Variants in FAAP20 observed in about 807,000 individuals in gnomAD.
FAAP20 encodes the protein Fanconi anemia core complex-associated protein 20.
Under a neutral mutation model 16.2 loss-of-function variants are expected in FAAP20, and 12 were observed. The ratio of observed to expected loss-of-function variants is 0.74; its 90% CI spans 0.48 to 1.20. The LOEUF is 1.20. FAAP20 is among the 50% of genes most tolerant of loss of function. The pLI is 0.00. For missense variants in FAAP20, 288 were observed against 245.8 expected, an observed-to-expected ratio of 1.17 and a Z score of -1.15; for synonymous variants, 141 against 110.7, an observed-to-expected ratio of 1.27 and a Z score of -1.72.
Position 2,194,745 on chromosome 1 carries a change from T to G in FAAP20, c.5A>C (p.Glu2Ala), listed in dbSNP as rs1285340426. The change falls in exon 1 of 4, where the codon GAG (glutamate) becomes GCG (alanine). Residue 2 changes from glutamate (E) to alanine (A), a missense_variant. Transcript: ENST00000378546. M[E>A]AARRPRLGLS... ...CCCCAGCCGCGGCCTCCGCGCCGCC[T>G]CCATCCAAGCCCGCGCCGGGCGGAA... 1.7e-6 allele frequency: 2 copies of G among 1,186,230 alleles called. No homozygotes were observed. Among genetic ancestry groups the G allele is most frequent in the Non-Finnish European group, 2.1e-6 (2 of 962,902 alleles). The allele number at this position is 1,186,230 out of a possible 1,614,324, so 73.5% of individuals were successfully genotyped here.
At chr1:2,189,000 G>T (rs778895249), downstream of FAAP20, among the ~76,000 whole-genome samples, 1 of 120,978 alleles carries the variant, frequency 8.3e-6, no homozygotes, top group Non-Finnish European at 1.6e-5. Flanking sequence ...GCGAGACTCC[G>T]TCTCAAAAAA....
At chr1:2,192,845 C>T in intron 3 of FAAP20, 5 of 1,262,824 alleles carry the variant, frequency 4.0e-6, no homozygotes, top group Non-Finnish European at 5.2e-6. Context: ...AGCAACCCAC[C>T]TGCCTCAGCC....
chr1:2,208,191 C>T (rs1689337177), downstream of FAAP20, among the ~76,000 whole-genome samples: 1 of 152,030 alleles, frequency 6.6e-6, no homozygotes, highest in African/African-American at 2.4e-5. Flanking sequence ...GGGCACCTGG[C>T]CCTAGGGCCT....
downstream of FAAP20, chr1:2,184,846 T>A: frequency 7.0e-7 from 1 of 1,437,976 alleles, no homozygotes; most frequent in Non-Finnish European, 9.6e-7. Flanking sequence ...AGGATTCTTA[T>A]GCGAACGTGA....
upstream of FAAP20, chr1:2,197,967 T>A: frequency 2.4e-6 from 3 of 1,273,132 alleles, no homozygotes; most frequent in Non-Finnish European, 3.1e-6. Flanking sequence ...CACTCAAGAC[T>A]CTCAAGACAA....
upstream of FAAP20, chr1:2,198,863 C>A (rs1318524005): frequency 7.8e-7 from 1 of 1,289,658 alleles, no homozygotes; most frequent in African/African-American, 1.5e-5. Flanking sequence ...GCACGCCCAC[C>A]CATAGCCAGA....
rs16824907 is a variant in FAAP20, at chr1:2,192,096, G to A, written c.470+1543C>T. The A allele has an allele frequency of 1.4e-3, 1,373 of 985,514 alleles. 37 individuals are homozygous for A. The East Asian group carries it at 0.08, about 57-fold the overall frequency. 61.0% of individuals were successfully genotyped at this position (985,514 alleles called of 1,614,324 possible). A position where few individuals can be genotyped will look rare whatever the true frequency, so the allele number is the denominator to read the frequency against. ...AGGCGCCTGTGCGGGACAGGGCGAC[G>A]GTTCAAGACCAAGTCCGGCTGTTAG... On this transcript the variant is annotated intron_variant, in intron 3 of 3. Coordinates refer to ENST00000378546, the MANE Select transcript of FAAP20 (RefSeq NM_182533.4).
upstream of FAAP20, chr1:2,199,215 G>A (rs1023087531): frequency 1.8e-5 from 21 of 1,164,896 alleles, no homozygotes; most frequent in Non-Finnish European, 1.8e-5. The surrounding 1 kb of genome is among the most constrained non-coding windows in gnomAD (Gnocchi z 4.5). Context: ...AGGGCCAGCC[G>A]CCCTCTCTCA....
At chr1:2,193,362 C>T in intron 3 of FAAP20, 1 of 548,898 alleles carries the variant, frequency 1.8e-6, no homozygotes, top group Non-Finnish European at 3.1e-6. Flanking sequence ...TCCAGGATGG[C>T]CAGGTGGACC....
chr1:2,203,622 G>A (rs564324460), upstream of FAAP20: 26 of 985,924 alleles, frequency 2.6e-5, no homozygotes, highest in African/African-American at 2.4e-4. Context: ...ATGCAGCTGC[G>A]TCTGGGGCCT....
downstream of FAAP20, among the ~76,000 whole-genome samples, chr1:2,189,024 A>AAC (rs1553182621): frequency 6.2e-5 from 9 of 145,058 alleles, no homozygotes; most frequent in African/African-American, 1.8e-4. Context: ...AAAAAAAAAA[A>AAC]AAAACAAAAA....
At chr1:2,190,468 G>A (rs1015583433) in intron 3 of FAAP20, 29 of 444,286 alleles carry the variant, frequency 6.5e-5, no homozygotes, top group Non-Finnish European at 1.0e-4. Context: ...GTGTCTGAGC[G>A]CAGCCACCTT....
chr1:2,195,149 G>T (rs956630194), upstream of FAAP20, among the ~76,000 whole-genome samples: 1 of 152,216 alleles, frequency 6.6e-6, no homozygotes, highest in Non-Finnish European at 1.5e-5. Flanking sequence ...ACCATTCCAG[G>T]AGTAAATAAA....
chr1:2,198,445 G>C (rs1414680160), upstream of FAAP20: 4 of 381,392 alleles, frequency 1.0e-5, no homozygotes, highest in Non-Finnish European at 4.7e-6. Flanking sequence ...CGTAGGTCAG[G>C]GAGCCAGGCC....
upstream of FAAP20, chr1:2,194,864 A>C (rs1688732975): frequency 1.1e-6 from 1 of 908,618 alleles, no homozygotes; most frequent in African/African-American, 1.9e-5. Flanking sequence ...CCTCCGAGAC[A>C]GTCGGAACCC....
At chr1:2,211,399 TTATATATATATATA>T (rs1158545722), downstream of FAAP20, among the ~76,000 whole-genome samples, 56 of 21,002 alleles carry the variant, frequency 2.7e-3, 3 homozygotes, top group East Asian at 0.01. Flanking sequence ...CTGGCTAATT[TTATATATATATATA>T]TATATATATA....
At chr1:2,187,810 C>T (rs1422164071), downstream of FAAP20, among the ~76,000 whole-genome samples, 1 of 152,180 alleles carries the variant, frequency 6.6e-6, no homozygotes, top group Non-Finnish European at 1.5e-5. Flanking sequence ...TCGCCCAGGG[C>T]ACCGTCAGTC....
upstream of FAAP20, chr1:2,198,574 G>T: frequency 1.1e-6 from 1 of 881,134 alleles, no homozygotes; most frequent in Non-Finnish European, 1.5e-6. Context: ...AGACAGCGGT[G>T]ACGGGCCCTG....
At chr1:2,204,742 T>A (rs1011633387), upstream of FAAP20, among the ~76,000 whole-genome samples, 1 of 152,132 alleles carries the variant, frequency 6.6e-6, no homozygotes, top group Non-Finnish European at 1.5e-5. Flanking sequence ...AGCAGGGTCC[T>A]GGGTAAATCA....
Sources: allele counts gnomAD v4.1 joint callset (sites outside exome capture counted in the v4.1 genomes callset), GRCh38; gene constraint gnomAD v4.1.1; non-coding constraint Gnocchi (gnomAD v3.1); transcripts MANE v1.5; gene names NCBI Gene and HGNC (gene_info 2026-07-23, HGNC 2026-07-21).